PCNX2: variants seen among roughly 807,000 people sequenced by gnomAD.
PCNX2 encodes pecanex 2.
PCNX2 carries 168 observed loss-of-function variants against 223.8 expected under a neutral mutation model. That is an observed-to-expected ratio of 0.75 (90% CI 0.66 to 0.85). PCNX2 has a LOEUF of 0.85. Among genes scored for constraint, PCNX2 ranks in the 40% least tolerant of loss-of-function variants. The probability of loss-of-function intolerance (pLI) is 0.00; values close to 1 mark genes in which losing one functional copy is unlikely to be tolerated. For missense variants in PCNX2, 2,507 were observed against 2,675.5 expected (o/e 0.94, Z 1.39); for synonymous variants, 1,006 against 1,052.6 (o/e 0.96, Z 0.86).
intron 21 of PCNX2, among the ~76,000 whole-genome samples, chr1:233,103,869 T>C (rs1212564068): frequency 6.6e-6 from 1 of 152,198 alleles, no homozygotes; most frequent in Non-Finnish European, 1.5e-5. Context: ...AACTGTTCTC[T>C]ATAGTGGTTT....
chr1:233,258,209 A>G lies in PCNX2; in HGVS notation c.1653T>C (p.Asp551=). ...TGGAAGTTGGCATTGTTTTCTCTGT[A>G]TCGTTAACAATTTCTGCAGAACTTT... ...LSKSSAEIVN[D]TEKTMPTSKS... is the part of the protein sequence containing the mutation. Residue 551 remains aspartate (D), a synonymous_variant, in exon 5 of 34, where the codon GAT becomes GAC. Coordinates refer to ENST00000258229, the MANE Select transcript of PCNX2 (RefSeq NM_014801.4). The G allele has an allele frequency of 6.2e-7, 1 of 1,613,988 alleles. No homozygotes were observed. The highest frequency in any genetic ancestry group is 8.5e-7 in the Non-Finnish European group (1 of 1,179,886).
chr1:232,992,570 A>G (rs1308334863), intron 32 of PCNX2, among the ~76,000 whole-genome samples: 1 of 152,184 alleles, frequency 6.6e-6, no homozygotes, highest in East Asian at 1.9e-4. Context: ...GGCCAGGACA[A>G]TGGGATGGTG....
At chr1:233,320,458 G>T in the PCNX2 span, among the ~76,000 whole-genome samples, 1 of 151,992 alleles carries the variant, frequency 6.6e-6, no homozygotes, top group Non-Finnish European at 1.5e-5. Flanking sequence ...CCATCCCACA[G>T]GTCTCTCATG....
intron 28 of PCNX2, among the ~76,000 whole-genome samples, chr1:233,007,148 G>A (rs1670313370): frequency 6.6e-6 from 1 of 151,514 alleles, no homozygotes; most frequent in Non-Finnish European, 1.5e-5. Flanking sequence ...GGAGTTCAAG[G>A]ATGTAGTGCA....
intron 22 of PCNX2, among the ~76,000 whole-genome samples, chr1:233,094,099 G>T (rs1674024412): frequency 2.0e-5 from 3 of 152,084 alleles, no homozygotes; most frequent in African/African-American, 7.2e-5. Context: ...CAGTAATATT[G>T]AATTCACCTA....
intron 2 of PCNX2, among the ~76,000 whole-genome samples, chr1:233,262,589 T>C (rs1386932446): frequency 6.6e-6 from 1 of 152,246 alleles, no homozygotes; most frequent in Non-Finnish European, 1.5e-5. Flanking sequence ...TTCTATGTAA[T>C]GTATTACTTT....
At chr1:233,236,702 C>T (rs546307303) in intron 9 of PCNX2, 143 bp downstream of exon 9, 1 of 1,198,926 alleles carries the variant, frequency 8.3e-7, no homozygotes, top group South Asian at 1.5e-5. Flanking sequence ...AGTAGACTGC[C>T]TTGCAGTGAT....
At chr1:233,223,618 C>G (rs947085729) in intron 10 of PCNX2, among the ~76,000 whole-genome samples, 4 of 152,082 alleles carry the variant, frequency 2.6e-5, no homozygotes, top group Non-Finnish European at 5.9e-5. Flanking sequence ...CCCTTGTCCC[C>G]CACCCCCTGA....
Position 232,993,551 on chromosome 1 carries a change from G to A in PCNX2, c.5791+4700C>T, listed in dbSNP as rs577675436. ...AGGTTTGGAAAATTTGCAGCCTGAC[G>A]ATGGAGTAGAAAAGAAAAGCCCATT... On this transcript the variant is annotated intron_variant, in intron 32 of 33. Transcript: ENST00000258229. 4.7e-4 allele frequency among the ~76,000 whole-genome samples: 72 copies of A among 152,342 alleles called. 1 individual carries two copies. The South Asian group carries it at 0.014, about 30-fold the overall frequency.
chr1:233,069,205 T>C (rs1672743554), intron 23 of PCNX2, among the ~76,000 whole-genome samples: 2 of 152,178 alleles, frequency 1.3e-5, no homozygotes, highest in South Asian at 4.1e-4. Context: ...AACTGAAACA[T>C]ACGTGAACCC....
chr1:233,052,293 G>T (rs1672034735), intron 25 of PCNX2, among the ~76,000 whole-genome samples: 1 of 152,190 alleles, frequency 6.6e-6, no homozygotes, highest in African/African-American at 2.4e-5. Context: ...TTAGATAATG[G>T]TGTTCAATCT....
chr1:233,016,013 T>A (rs1670644251), intron 27 of PCNX2, among the ~76,000 whole-genome samples: 1 of 152,144 alleles, frequency 6.6e-6, no homozygotes, highest in Non-Finnish European at 1.5e-5. Flanking sequence ...GACAGAGCCA[T>A]CATGGAGCTA....
At chr1:233,020,132 A>G (rs767172030) in intron 26 of PCNX2, among the ~76,000 whole-genome samples, 13 of 152,224 alleles carry the variant, frequency 8.5e-5, no homozygotes, top group Non-Finnish European at 1.5e-4. Flanking sequence ...AGAATAGTCA[A>G]TGAGGACTTT....
Position 233,295,563 on chromosome 1 carries a change from C to G in PCNX2, c.-85G>C. On this transcript the variant is annotated 5_prime_UTR_variant, in exon 1 of 34. Transcript: ENST00000258229. This position sits in a 1 kb window ranked among gnomAD's most constrained non-coding sequence, Gnocchi z 4.1. Reference sequence around the variant, plus strand: ...CTCCAGGCTCCCTCAGGTCTAACACCCGGGCCCGCGGGCCGCGCCCCCGCC... The same window carrying G: ...CTCCAGGCTCCCTCAGGTCTAACACGCGGGCCCGCGGGCCGCGCCCCCGCC... 1.6e-6 allele frequency: 2 copies of G among 1,276,044 alleles called. No homozygotes were observed. Among genetic ancestry groups the G allele is most frequent in the Non-Finnish European group, 2.0e-6 (2 of 1,007,078 alleles). 79.0% of individuals were successfully genotyped at this position (1,276,044 alleles called of 1,614,324 possible).
intron 17 of PCNX2, among the ~76,000 whole-genome samples, chr1:233,166,880 G>A (rs537923245): frequency 5.3e-5 from 8 of 152,026 alleles, no homozygotes; most frequent in Non-Finnish European, 8.8e-5. Flanking sequence ...GTTGGTTCCC[G>A]CCTGTAATTC....
rs1489815272 is a variant in PCNX2, at chr1:233,282,963, C to A, written c.153+12363G>T. Among the ~76,000 whole-genome samples, 4 of 151,850 alleles carry A rather than the reference C, an allele frequency of 2.6e-5. No homozygotes were observed. The East Asian group carries it at 7.7e-4, about 29-fold the overall frequency. ...ACCAAAAAATAATTGGAAAATAATT[C>A]ATCTAAGTAACTTTTGAGCATGTTA... On this transcript the variant is annotated intron_variant, in intron 1 of 33. Transcript: ENST00000258229.
chr1:233,047,609 G>A (rs1031993180), intron 25 of PCNX2, among the ~76,000 whole-genome samples: 9 of 152,122 alleles, frequency 5.9e-5, no homozygotes, highest in East Asian at 5.8e-4. Flanking sequence ...ACAGGACAAG[G>A]AAGGGTATTA....
chr1:233,313,447 A>C, the PCNX2 span, among the ~76,000 whole-genome samples: 1 of 152,212 alleles, frequency 6.6e-6, no homozygotes, highest in Non-Finnish European at 1.5e-5. Flanking sequence ...AAGAAAACCT[A>C]TGGAAAATAA....
At chr1:233,051,712 A>C (rs1352291356) in intron 25 of PCNX2, among the ~76,000 whole-genome samples, 2 of 152,146 alleles carry the variant, frequency 1.3e-5, no homozygotes, top group Non-Finnish European at 2.9e-5. Context: ...CAGGTAGAAA[A>C]GGGGACAAAG....
Sources: gnomAD v4.1 joint callset for allele counts (sites outside exome capture counted in the v4.1 genomes callset) on GRCh38, gnomAD v4.1.1 for gene constraint, Gnocchi (gnomAD v3.1) non-coding constraint, MANE v1.5 for transcripts, NCBI Gene and HGNC (gene_info 2026-07-23, HGNC 2026-07-21) for gene names.